MUC4: variants seen among roughly 807,000 people sequenced by gnomAD.
MUC4 encodes the protein mucin 4, cell surface associated, also known as mucin-4.
Under a neutral mutation model 257.9 loss-of-function variants are expected in MUC4, and 202 were observed. The ratio of observed to expected loss-of-function variants is 0.78; its 90% CI spans 0.70 to 0.88. The LOEUF (loss-of-function observed/expected upper bound fraction) is 0.88, where lower values mean the gene tolerates loss of function less well. MUC4 is among the 40% of genes least tolerant of loss of function. MUC4 has a pLI of 0.00. For synonymous variants in MUC4, 2,351 were observed against 2,757.1 expected (o/e 0.85, Z 4.62); for missense variants, 5,976 against 6,513.7 (o/e 0.92, Z 2.84).
In MUC4 at chr3:195,781,748, T is replaced by G. The variant is rs541419189; in HGVS notation, c.9832A>C (p.Thr3278Pro). 4 of 1,435,188 alleles carry G rather than the reference T, an allele frequency of 2.8e-6. No homozygotes were observed. In the Admixed American group the frequency reaches 9.1e-5, roughly 33 times the overall value. 88.9% of individuals were successfully genotyped at this position (1,435,188 alleles called of 1,614,324 possible). A position where few individuals can be genotyped will look rare whatever the true frequency, so the allele number is the denominator to read the frequency against. The change falls in exon 2 of 25, where the codon ACC (threonine) becomes CCC (proline). Residue 3278 changes from threonine (T) to proline (P), a missense_variant. Thr to Pro is a conservative substitution (Grantham distance 38, BLOSUM62 -1). Coordinates refer to ENST00000463781, the MANE Select transcript of MUC4 (RefSeq NM_018406.7). ...TDTSSAYTGDTTSLPVTDTSS... is the reference protein window; with the variant it reads ...TDTSSAYTGDPTSLPVTDTSS... ...GTGTCGGTGACAGGAAGAGAGGTGGTGTCACCTGTGTATGCTGAGGAAGTG... is the reference window on the plus strand; with the variant it reads ...GTGTCGGTGACAGGAAGAGAGGTGGGGTCACCTGTGTATGCTGAGGAAGTG...
In MUC4 at chr3:195,789,717, T is replaced by C; in HGVS notation, c.1863A>G (p.Ile621Met). Reference protein sequence around the residue: ...TTAPSTNHSTIHSTSTSPQES... With the variant: ...TTAPSTNHSTMHSTSTSPQES... ...CCTGAGGAGAGGTGCTTGTGGAATG[T>C]ATTGTTGAATGATTTGTTGATGGTG... Residue 621 changes from isoleucine to methionine, a missense_variant, in exon 2 of 25, where the codon ATA (isoleucine) becomes ATG (methionine). Physicochemically the swap from Ile to Met is conservative, Grantham distance 10 (BLOSUM62 1). Coordinates refer to ENST00000463781, the MANE Select transcript of MUC4 (RefSeq NM_018406.7). 6.2e-7 allele frequency: 1 copy of C among 1,613,990 alleles called. No homozygotes were observed. The highest frequency in any genetic ancestry group is 2.2e-5 in the East Asian group (1 of 44,886).
At chr3:195,760,787 T>A (rs960729642) in intron 16 of MUC4, 97 bp downstream of exon 16, 12 of 980,224 alleles carry the variant, frequency 1.2e-5, no homozygotes, top group Non-Finnish European at 1.9e-5. Flanking sequence ...ATCTGCTCAG[T>A]GAATGCAGAT....
chr3:195,763,097 CT>C (rs1400359695), intron 12 of MUC4, 152 bp from the exon 13 acceptor site: 1 of 687,740 alleles, frequency 1.5e-6, no homozygotes, highest in African/African-American at 1.8e-5. Flanking sequence ...CAGCCGCCGT[CT>C]ACCGTGTGCT....
intron 11 of MUC4, 82 bp from the exon 12 acceptor site, chr3:195,763,723 C>T (rs1560250142): frequency 1.5e-6 from 2 of 1,339,134 alleles, no homozygotes; most frequent in Non-Finnish European, 2.0e-6. Flanking sequence ...AGGTGCGGCA[C>T]TTGTCCAGGA....
Position 195,784,683 on chromosome 3 carries a change from T to A in MUC4, c.6897A>T (p.Thr2299=). 2 of 1,441,442 alleles carry A rather than the reference T, an allele frequency of 1.4e-6. No individual in the cohort carries two copies. The highest frequency in any genetic ancestry group is 1.8e-6 in the Non-Finnish European group (2 of 1,087,858). The allele number at this position is 1,441,442 out of a possible 1,614,324, so 89.3% of individuals were successfully genotyped here. A position where few individuals can be genotyped will look rare whatever the true frequency, so the allele number is the denominator to read the frequency against. The part of the protein sequence containing the change: ...LPVTSPSSAS[T]GHATPLHVTD... Reference sequence around the variant, plus strand: ...TGACATGAAGAGGGGTGGCGTGACCTGTGGATGCTGAGGAAGGGCTAGTGA... The same window carrying A: ...TGACATGAAGAGGGGTGGCGTGACCAGTGGATGCTGAGGAAGGGCTAGTGA... The change falls in exon 2 of 25, where the codon ACA becomes ACT. Residue 2299 remains threonine, a synonymous_variant. Transcript: ENST00000463781.
intron 7 of MUC4, among the ~76,000 whole-genome samples, chr3:195,767,654 C>CCAT (rs1342079921): frequency 1.1e-5 from 1 of 88,216 alleles, no homozygotes. Flanking sequence ...GCCACCACCA[C>CCAT]CACCACCACC....
At chr3:195,761,332 G>T (rs1718854064) in intron 15 of MUC4, 152 bp downstream of exon 15, 1 of 749,008 alleles carries the variant, frequency 1.3e-6, no homozygotes, top group Non-Finnish European at 2.2e-6. Context: ...AGGCAGGTGG[G>T]CTGGTGGTGG....
intron 7 of MUC4, among the ~76,000 whole-genome samples, chr3:195,767,890 CA>C (rs1721831770): frequency 7.1e-6 from 1 of 141,752 alleles, no homozygotes; most frequent in African/African-American, 3.1e-5. Context: ...CCACCATCAC[CA>C]CCACCATCAC....
rs1364549649 is a variant in MUC4, at chr3:195,754,305, T to C, written c.15236A>G (p.Glu5079Gly). ...RYCEGSEDAC[E>G]EPCFPSVHCV... ...GTGGACACTCGGGAAGCACGGCTCC[T>C]CACAGGCATCCTCGGAGCCCTCGCA... The change falls in exon 19 of 25, where the codon GAG becomes GGG. Residue 5079 changes from glutamate to glycine, a missense_variant. By Grantham distance (98) the Glu-to-Gly change is moderately conservative (BLOSUM62 -2). This residue lies in a region of MUC4 where 996 missense variants were observed against 1,137.3 expected (regional missense o/e 0.88). Coordinates refer to ENST00000463781, the MANE Select transcript of MUC4 (RefSeq NM_018406.7). The C allele has an allele frequency of 6.2e-7, 1 of 1,613,614 alleles. No homozygotes were observed. Among genetic ancestry groups the C allele is most frequent in the Middle Eastern group, 1.7e-4 (1 of 5,812 alleles).
intron 17 of MUC4, among the ~76,000 whole-genome samples, chr3:195,758,752 G>A (rs1174137842): frequency 5.0e-5 from 7 of 139,506 alleles, no homozygotes; most frequent in Non-Finnish European, 9.2e-5. Flanking sequence ...TGTATTTTTA[G>A]TACAGACGGG....
rs142259629 is a variant in MUC4 at position 195,789,181 on chromosome 3, G to C, written c.2399C>G (p.Ala800Gly). 4 of 1,613,816 alleles carry C rather than the reference G, an allele frequency of 2.5e-6. No individual in the cohort carries two copies. Among genetic ancestry groups the C allele is most frequent in the Non-Finnish European group, 3.4e-6 (4 of 1,179,844 alleles). Reference sequence around the variant, plus strand: ...GGATGAGGAAGGGGTAGCTGTGCCCGCTGAGGTGGTTCGTGACCCTGAGGA... The same window carrying C: ...GGATGAGGAAGGGGTAGCTGTGCCCCCTGAGGTGGTTCGTGACCCTGAGGA... ...PASSGSRTTSAGTATPSSSGA... is the reference protein window; with the variant it reads ...PASSGSRTTSGGTATPSSSGA... The change falls in exon 2 of 25, where the codon GCG becomes GGG. Residue 800 changes from alanine (A) to glycine (G), a missense_variant. Physicochemically the swap from Ala to Gly is moderately conservative, Grantham distance 60. Around this residue, in one of 44 missense-constraint regions of MUC4, gnomAD observed 1,583 missense variants for 1,257.4 expected, o/e 1.26. Transcript: ENST00000463781.
chr3:195,765,836 A>T (rs1720345551), intron 8 of MUC4, among the ~76,000 whole-genome samples: 1 of 152,108 alleles, frequency 6.6e-6, no homozygotes, highest in African/African-American at 2.4e-5. Flanking sequence ...ACCCGCATGA[A>T]AGCTCTTTGA....
Position 195,755,173 on chromosome 3 carries a change from C to A in MUC4, c.15169-801G>T, listed in dbSNP as rs140582118. Among the ~76,000 whole-genome samples, 8 of 151,928 alleles carry A rather than the reference C, an allele frequency of 5.3e-5. No homozygotes were observed. Among genetic ancestry groups the A allele is most frequent in the African/African-American group, 1.9e-4 (8 of 41,432 alleles). ...CTGGGGCTACAGGCATGCACCACCACGCCCACTAATTTTTGTATTTTTCTT... is the reference window on the plus strand; with the variant it reads ...CTGGGGCTACAGGCATGCACCACCAAGCCCACTAATTTTTGTATTTTTCTT... On this transcript the variant is annotated intron_variant, in intron 18 of 24. Coordinates refer to ENST00000463781, the MANE Select transcript of MUC4 (RefSeq NM_018406.7). This position sits in a 1 kb window ranked among gnomAD's most constrained non-coding sequence, Gnocchi z 5.0.
At position 195,790,968 on chromosome 3, in the gene MUC4, C is replaced by G; in HGVS notation, c.612G>C (p.Gln204His). Reference protein sequence around the residue: ...SSQNHWTRSTQTTRESQTSTL... With the variant: ...SSQNHWTRSTHTTRESQTSTL... The stretch of plus-strand genomic sequence containing the variant: ...TGCTGGTTTGAGATTCCCTGGTGGT[C>G]TGCGTGCTCCGAGTCCAGTGGTTCT... The change falls in exon 2 of 25, where the codon CAG becomes CAC. Residue 204 changes from glutamine to histidine, a missense_variant. Physicochemically the swap from Gln to His is conservative, Grantham distance 24. Coordinates refer to ENST00000463781, the MANE Select transcript of MUC4 (RefSeq NM_018406.7). 6.2e-7 allele frequency: 1 copy of G among 1,613,932 alleles called. No homozygotes were observed.
At position 195,784,830 on chromosome 3, in the gene MUC4, G is replaced by GGAT. The variant is rs1730635797; in HGVS notation, c.6747_6749dup (p.Ser2250dup). On this transcript the variant is annotated inframe_insertion, in exon 2 of 25. Coordinates refer to ENST00000463781, the MANE Select transcript of MUC4 (RefSeq NM_018406.7). Reference sequence around the variant, plus strand: ...CAGGAAGAGGGGTGGTGTCACCTGTGGATGCTGAGGAAAGGCTGGTGACAG... The same window carrying GGAT: ...CAGGAAGAGGGGTGGTGTCACCTGTGGATGATGCTGAGGAAAGGCTGGTGACAG... The GGAT allele has an allele frequency of 6.5e-7, 1 of 1,534,692 alleles. No homozygotes were observed. The highest frequency in any genetic ancestry group is 8.8e-7 in the Non-Finnish European group (1 of 1,134,846).
chr3:195,788,686 G>T lies in MUC4; in HGVS notation c.2894C>A (p.Thr965Asn), dbSNP rs754571162. 1 of 1,602,706 alleles carries T rather than the reference G, an allele frequency of 6.2e-7. No homozygotes were observed. Among genetic ancestry groups the T allele is most frequent in the Non-Finnish European group, 8.5e-7 (1 of 1,178,878 alleles). The change falls in exon 2 of 25, where the codon ACC becomes AAC. Residue 965 changes from threonine to asparagine, a missense_variant. Around this residue, in one of 44 missense-constraint regions of MUC4, gnomAD observed 1,583 missense variants for 1,257.4 expected, o/e 1.26. Transcript: ENST00000463781. ...HTLSPSGSGK[T>N]FTTALISNAT... is the part of the protein sequence containing the mutation. ...GTTGCTGATGAGGGCCGTGGTGAAG[G>T]TTTTACCAGACCCTGAAGGTGACAG...
intron 1 of MUC4, among the ~76,000 whole-genome samples, chr3:195,803,283 T>C (rs1473434368): frequency 6.6e-6 from 1 of 152,234 alleles, no homozygotes; most frequent in Non-Finnish European, 1.5e-5. Flanking sequence ...CTCAGCCCGA[T>C]TCTTGCGTGC....
chr3:195,762,015 G>A, intron 14 of MUC4, 72 bp downstream of exon 14: 1 of 1,486,376 alleles, frequency 6.7e-7, no homozygotes, highest in Non-Finnish European at 9.0e-7. Flanking sequence ...GGGCTGCCCG[G>A]GCCGCCGGCG....
rs1267446259 is a variant in MUC4 at position 195,779,104 on chromosome 3, GTGGTGTGACC to G, written c.12466_12475del (p.Gly4156ProfsTer100). 3 of 1,509,850 alleles carry G rather than the reference GTGGTGTGACC, an allele frequency of 2.0e-6. No homozygotes were observed. In the African/African-American group the frequency reaches 4.7e-5, roughly 24 times the overall value. 93.5% of individuals were successfully genotyped at this position (1,509,850 alleles called of 1,614,324 possible). On this transcript the variant is annotated frameshift_variant, in exon 2 of 25. Transcript: ENST00000463781. LOFTEE classifies it high-confidence loss of function. Reference sequence around the variant, plus strand: ...GGAAGCGTCGGTGACAGGAAGAGAGGTGGTGTGACCTGAGGATGCTGAGGAAGGGATGGTG... The same window carrying G: ...GGAAGCGTCGGTGACAGGAAGAGAGGTGAGGATGCTGAGGAAGGGATGGTG...
Sources: allele counts gnomAD v4.1 joint callset (sites outside exome capture counted in the v4.1 genomes callset), GRCh38; gene constraint gnomAD v4.1.1; regional missense constraint gnomAD v4.1.1; non-coding constraint Gnocchi (gnomAD v3.1); transcripts MANE v1.5; gene names NCBI Gene and HGNC (gene_info 2026-07-23, HGNC 2026-07-21).